Variants in MTNR1A observed in about 807,000 individuals in gnomAD.
The protein encoded by MTNR1A is melatonin receptor type 1A.
Under a neutral mutation model 5.5 loss-of-function variants are expected in MTNR1A, and 7 were observed. That is an observed-to-expected ratio of 1.28 (90% CI 0.73 to 2.40). The LOEUF is 2.40. Ranked by LOEUF, MTNR1A falls within the 30% of genes most tolerant of loss-of-function variation. The probability of loss-of-function intolerance (pLI) is 0.00; values close to 1 mark genes in which losing one functional copy is unlikely to be tolerated. For missense variants in MTNR1A, 441 were observed against 464.4 expected, an observed-to-expected ratio of 0.95 and a Z score of 0.46; for synonymous variants, 196 against 202.7, an observed-to-expected ratio of 0.97 and a Z score of 0.28.
chr4:186,539,750 T>G (rs1736964948), intron 1 of MTNR1A, among the ~76,000 whole-genome samples: 1 of 152,332 alleles, frequency 6.6e-6, no homozygotes, highest in South Asian at 2.1e-4. Context: ...CCTCCAGAAC[T>G]GTGAGAAACA....
At chr4:186,548,911 C>T (rs1283874568) in intron 1 of MTNR1A, among the ~76,000 whole-genome samples, 2 of 146,650 alleles carry the variant, frequency 1.4e-5, no homozygotes, top group Non-Finnish European at 3.0e-5. Flanking sequence ...GATACCTACA[C>T]AGACATATAC....
chr4:186,545,744 G>C (rs73024705), intron 1 of MTNR1A, among the ~76,000 whole-genome samples: 2 of 152,176 alleles, frequency 1.3e-5, no homozygotes, highest in African/African-American at 4.8e-5. Flanking sequence ...TAAGCATCAC[G>C]AAGACCAGTA....
chr4:186,546,246 C>T (rs13121911), intron 1 of MTNR1A, among the ~76,000 whole-genome samples: 1 of 152,106 alleles, frequency 6.6e-6, no homozygotes. Context: ...TCCTCCCTGG[C>T]ACACAGTCCT....
intron 1 of MTNR1A, among the ~76,000 whole-genome samples, chr4:186,547,667 G>C (rs1291033756): frequency 2.0e-5 from 3 of 152,150 alleles, no homozygotes; most frequent in African/African-American, 4.8e-5. Context: ...CTTGACTGTT[G>C]ACTGCTGCTG....
intron 1 of MTNR1A, among the ~76,000 whole-genome samples, chr4:186,536,346 C>CA (rs1225264699): frequency 5.3e-4 from 65 of 121,696 alleles, no homozygotes; most frequent in South Asian, 8.2e-4. Flanking sequence ...AACTCCGTAT[C>CA]AAAAAAAAAA....
chr4:186,537,109 A>C (rs1446004710), intron 1 of MTNR1A, among the ~76,000 whole-genome samples: 1 of 152,190 alleles, frequency 6.6e-6, no homozygotes, highest in African/African-American at 2.4e-5. Flanking sequence ...TTACAATTCA[A>C]GCAATTACAT....
Position 186,548,868 on chromosome 4 carries a change from C to T in MTNR1A, c.184+6314G>A, listed in dbSNP as rs1415913255. Among the ~76,000 whole-genome samples the T allele has an allele frequency of 2.5e-5, 3 of 121,294 alleles. No individual in the cohort carries two copies. In the South Asian group the frequency reaches 8.0e-4, roughly 32 times the overall value. The allele number at this position is 121,294 out of a possible 152,430, so 79.6% of individuals were successfully genotyped here. A position where few individuals can be genotyped will look rare whatever the true frequency, so the allele number is the denominator to read the frequency against. ...ATATACACTATATATGTAAAACAAT[C>T]TTTTAAAAAAAGTACATGGTAAAAG... On this transcript the variant is annotated intron_variant, in intron 1 of 1. Transcript: ENST00000307161.
chr4:186,538,417 G>A (rs1735980829), intron 1 of MTNR1A, among the ~76,000 whole-genome samples: 1 of 152,214 alleles, frequency 6.6e-6, no homozygotes, highest in Non-Finnish European at 1.5e-5. Context: ...GTATGTCTGT[G>A]TCAAGTGCCA....
At position 186,555,357 on chromosome 4, in the gene MTNR1A, G is replaced by T; in HGVS notation, c.9C>A (p.Gly3=). The change falls in exon 1 of 2, where the codon GGC becomes GGA. Residue 3 remains glycine (G), a synonymous_variant. Coordinates refer to ENST00000307161, the MANE Select transcript of MTNR1A (RefSeq NM_005958.4). The surrounding 1 kb of genome is among the most constrained non-coding windows in gnomAD (Gnocchi z 4.1). MQ[G]NGSALPNASQ... is the part of the protein sequence containing the mutation. ...AGGCGTTGGGCAGCGCGCTGCCGTT[G>T]CCCTGCATGGTCCCTGTGCGCGTCC... is the stretch of plus-strand genomic sequence containing the variant. 1.3e-6 allele frequency: 2 copies of T among 1,535,942 alleles called. No homozygotes were observed. Among genetic ancestry groups the T allele is most frequent in the Non-Finnish European group, 1.8e-6 (2 of 1,140,754 alleles).
chr4:186,540,234 G>A (rs1488667243), intron 1 of MTNR1A, among the ~76,000 whole-genome samples: 3 of 152,212 alleles, frequency 2.0e-5, no homozygotes, highest in African/African-American at 7.2e-5. Context: ...TTCAAAATGA[G>A]ATTTGAGTAG....
At chr4:186,547,415 C>T (rs1466342915) in intron 1 of MTNR1A, among the ~76,000 whole-genome samples, 1 of 151,954 alleles carries the variant, frequency 6.6e-6, no homozygotes, top group Non-Finnish European at 1.5e-5. Context: ...TCCTCACACC[C>T]TGTTCATGGG....
At chr4:186,552,843 C>T (rs1470978431) in intron 1 of MTNR1A, among the ~76,000 whole-genome samples, 1 of 152,198 alleles carries the variant, frequency 6.6e-6, no homozygotes, top group Non-Finnish European at 1.5e-5. Context: ...GATATGGTAG[C>T]TTCACTTCTA....
chr4:186,540,647 G>A (rs1356280439), intron 1 of MTNR1A, among the ~76,000 whole-genome samples: 1 of 152,102 alleles, frequency 6.6e-6, no homozygotes, highest in Non-Finnish European at 1.5e-5. Context: ...AGGACCAGGT[G>A]CTGTCTGTCT....
In MTNR1A at chr4:186,555,480, TCCACGCCGCGCCCCCGGACGC is replaced by T. The variant is rs1013278043; in HGVS notation, c.-136_-116del. ...GCCCACGCCCCATCCCGCGCGCTCC[TCCACGCCGCGCCCCCGGACGC>T]CCACGCCGCGCCGGACGCCACGGCC... On this transcript the variant is annotated 5_prime_UTR_variant, in exon 1 of 2. Coordinates refer to ENST00000307161, the MANE Select transcript of MTNR1A (RefSeq NM_005958.4). The surrounding 1 kb of genome is among the most constrained non-coding windows in gnomAD (Gnocchi z 4.1). 3.6e-6 allele frequency: 3 copies of T among 835,642 alleles called. No homozygotes were observed. Among genetic ancestry groups the T allele is most frequent in the African/African-American group, 3.6e-5 (2 of 55,216 alleles). The allele number at this position is 835,642 out of a possible 1,614,324, so 51.8% of individuals were successfully genotyped here. A position where few individuals can be genotyped will look rare whatever the true frequency, so the allele number is the denominator to read the frequency against.
At chr4:186,552,751 A>G (rs1427878815) in intron 1 of MTNR1A, among the ~76,000 whole-genome samples, 1 of 152,076 alleles carries the variant, frequency 6.6e-6, no homozygotes, top group Non-Finnish European at 1.5e-5. Flanking sequence ...TTCTGAAATC[A>G]GAAGGAGCAC....
At chr4:186,554,300 T>C (rs1737326315) in intron 1 of MTNR1A, among the ~76,000 whole-genome samples, 2 of 152,190 alleles carry the variant, frequency 1.3e-5, no homozygotes, top group South Asian at 4.1e-4. Flanking sequence ...GAGCTTTTCT[T>C]AACCACCTGG....
chr4:186,549,685 TAAG>T (rs200241042), intron 1 of MTNR1A, among the ~76,000 whole-genome samples: 2,561 of 152,268 alleles, frequency 0.017, 23 homozygotes, highest in Non-Finnish European at 0.026. Flanking sequence ...TGTTTGAAAA[TAAG>T]AAGAACACAC....
intron 1 of MTNR1A, among the ~76,000 whole-genome samples, chr4:186,545,747 G>T (rs561514798): frequency 3.9e-5 from 6 of 152,158 alleles, no homozygotes; most frequent in African/African-American, 1.4e-4. Context: ...GCATCACGAA[G>T]ACCAGTAATA....
At chr4:186,541,338 G>A (rs535858396) in intron 1 of MTNR1A, among the ~76,000 whole-genome samples, 5 of 152,172 alleles carry the variant, frequency 3.3e-5, no homozygotes, top group Admixed American at 2.6e-4. Flanking sequence ...AGGGCCACAG[G>A]TTTAGATCTG....
Sources: allele counts gnomAD v4.1 joint callset (sites outside exome capture counted in the v4.1 genomes callset), GRCh38; gene constraint gnomAD v4.1.1; non-coding constraint Gnocchi (gnomAD v3.1); transcripts MANE v1.5; gene names NCBI Gene and HGNC (gene_info 2026-07-23, HGNC 2026-07-21).